Variants in ITGA8 observed in about 807,000 individuals in gnomAD.
ITGA8 encodes integrin alpha-8.
ITGA8 carries 91 observed loss-of-function variants against 142.3 expected under a neutral mutation model. The observed-to-expected ratio is 0.64, with a 90% confidence interval of 0.54 to 0.76. The LOEUF (loss-of-function observed/expected upper bound fraction) is 0.76, where lower values mean the gene tolerates loss of function less well. Among genes scored for constraint, ITGA8 ranks in the 30% least tolerant of loss-of-function variants. ITGA8 has a pLI of 0.00. For missense variants in ITGA8, 1,406 were observed against 1,327.7 expected, an observed-to-expected ratio of 1.06 and a Z score of -0.92; for synonymous variants, 505 against 485.2, an observed-to-expected ratio of 1.04 and a Z score of -0.54.
intron 2 of ITGA8, among the ~76,000 whole-genome samples, chr10:15,714,225 G>A (rs762573277): frequency 6.6e-5 from 10 of 152,130 alleles, no homozygotes; most frequent in Non-Finnish European, 1.0e-4. Flanking sequence ...TGTCTCATTC[G>A]TTCTCCCTTT....
chr10:15,632,818 G>A (rs1298865724), intron 13 of ITGA8, among the ~76,000 whole-genome samples: 2 of 151,742 alleles, frequency 1.3e-5, no homozygotes, highest in African/African-American at 4.8e-5. Flanking sequence ...ACGATATATA[G>A]ACAGTGGGAT....
At chr10:15,691,535 A>G (rs555300196) in intron 2 of ITGA8, among the ~76,000 whole-genome samples, 1 of 152,216 alleles carries the variant, frequency 6.6e-6, no homozygotes, top group Non-Finnish European at 1.5e-5. Context: ...ATTTGCTACA[A>G]CATGGATGAA....
At chr10:15,662,250 C>T (rs1834301952) in intron 8 of ITGA8, among the ~76,000 whole-genome samples, 2 of 138,952 alleles carry the variant, frequency 1.4e-5, no homozygotes, top group Non-Finnish European at 3.1e-5. Context: ...CACTCAACTA[C>T]AAAAAATATT....
chr10:15,544,736 G>T (rs182677777), intron 27 of ITGA8, among the ~76,000 whole-genome samples: 5 of 152,196 alleles, frequency 3.3e-5, no homozygotes, highest in Admixed American at 3.3e-4. Flanking sequence ...CTCGCCTACT[G>T]AATGAATATG....
intron 8 of ITGA8, among the ~76,000 whole-genome samples, chr10:15,670,763 C>T (rs10795317): frequency 0.93 from 140,910 of 152,224 alleles, 66,033 homozygotes; most frequent in Non-Finnish European, 1. Context: ...CTCCCCTGCA[C>T]GTTGAATAGA....
chr10:15,583,760 T>A (rs1834459670), intron 23 of ITGA8, among the ~76,000 whole-genome samples: 1 of 152,196 alleles, frequency 6.6e-6, no homozygotes, highest in Admixed American at 6.5e-5. Context: ...GTGATGGTAC[T>A]GTTCTATATT....
chr10:15,660,937 A>G lies in ITGA8; in HGVS notation c.848-15T>C. On this transcript the variant is annotated splice_polypyrimidine_tract_variant and intron_variant, in intron 8 of 29. Coordinates refer to ENST00000378076, the MANE Select transcript of ITGA8 (RefSeq NM_003638.3). ...AGCAACCAATTCTGGGGATGAAAAT[A>G]GCCATTTAGAAGGGGAATTACTCAC... 6.2e-7 allele frequency: 1 copy of G among 1,612,008 alleles called. No individual in the cohort carries two copies. The highest frequency in any genetic ancestry group is 8.5e-7 in the Non-Finnish European group (1 of 1,178,282).
chr10:15,611,233 A>G (rs1833288000), intron 15 of ITGA8, among the ~76,000 whole-genome samples: 1 of 152,200 alleles, frequency 6.6e-6, no homozygotes, highest in Non-Finnish European at 1.5e-5. Flanking sequence ...CACATTCTAG[A>G]CTGAACCAGC....
rs528569960 is a variant in ITGA8, at chr10:15,600,251, TA to T, written c.2119-2953del. Among the ~76,000 whole-genome samples, 967 of 149,172 alleles carry T rather than the reference TA, an allele frequency of 6.5e-3. 7 individuals are homozygous for T. Among genetic ancestry groups the T allele is most frequent in the African/African-American group, 0.022 (897 of 40,790 alleles). On this transcript the variant is annotated intron_variant, in intron 20 of 29. Transcript: ENST00000378076. ...CATTAGGTATATCTCCTAATGCTAT[TA>T]AAAAAAAAAGAATGAAATACATTCA...
chr10:15,624,673 G>A (rs1833549949), intron 13 of ITGA8, among the ~76,000 whole-genome samples: 1 of 152,066 alleles, frequency 6.6e-6, no homozygotes, highest in African/African-American at 2.4e-5. Context: ...GCCCATCACT[G>A]CCCAGGTCCC....
At chr10:15,548,378 G>A in intron 27 of ITGA8, 77 bp downstream of exon 27, 2 of 1,005,114 alleles carry the variant, frequency 2.0e-6, no homozygotes, top group African/African-American at 1.7e-5. Context: ...AAATCGCTAT[G>A]AAAAGACTTC....
intron 26 of ITGA8, among the ~76,000 whole-genome samples, chr10:15,556,388 T>C (rs1833890174): frequency 6.6e-6 from 1 of 152,080 alleles, no homozygotes; most frequent in African/African-American, 2.4e-5. Context: ...ACTGTGGCCT[T>C]TGATTCAGTG....
rs1833024502 is a variant in ITGA8 at position 15,597,228 on chromosome 10, G to A, written c.2190C>T (p.Asn730=). 1.2e-6 allele frequency: 2 copies of A among 1,613,748 alleles called. No homozygotes were observed. The highest frequency in any genetic ancestry group is 4.5e-5 in the East Asian group (2 of 44,872). ...TTACATTTGTTCCAGACACCATAGG[G>A]TTCCCAAGGTCACACACCACCATCC... ...VTRMVVCDLG[N]PMVSGTNYSL... is the part of the protein sequence containing the mutation. The change falls in exon 21 of 30, where the codon AAC becomes AAT. Residue 730 remains asparagine, a synonymous_variant. Coordinates refer to ENST00000378076, the MANE Select transcript of ITGA8 (RefSeq NM_003638.3).
chr10:15,658,452 C>A (rs7097260), intron 10 of ITGA8, among the ~76,000 whole-genome samples: 35,639 of 151,984 alleles, frequency 0.23, 4,380 homozygotes, highest in Admixed American at 0.33. Flanking sequence ...AGCCCCTGTC[C>A]CCTCCGTCCT....
chr10:15,687,867 C>T lies in ITGA8; in HGVS notation c.444+71G>A, dbSNP rs1355223078. On this transcript the variant is annotated intron_variant, in intron 3 of 29. Coordinates refer to ENST00000378076, the MANE Select transcript of ITGA8 (RefSeq NM_003638.3). ...TCCTTTAGGAAAGAGCTTTCCTAAA[C>T]ATGAGCTTGAAAACATTCCAGTGCA... 1.4e-5 allele frequency: 13 copies of T among 916,136 alleles called. No individual in the cohort carries two copies. The Admixed American group carries it at 1.9e-4, about 14-fold the overall frequency. 56.8% of individuals were successfully genotyped at this position (916,136 alleles called of 1,614,324 possible).
intron 2 of ITGA8, among the ~76,000 whole-genome samples, chr10:15,688,280 C>T (rs530140327): frequency 3.7e-4 from 54 of 145,722 alleles, no homozygotes; most frequent in African/African-American, 1.3e-3. Context: ...CATGGTGAAA[C>T]CCTGTCTCTA....
chr10:15,689,387 A>G (rs1834891501), intron 2 of ITGA8, among the ~76,000 whole-genome samples: 1 of 152,132 alleles, frequency 6.6e-6, no homozygotes, highest in Non-Finnish European at 1.5e-5. Context: ...CCGCAGAGAG[A>G]AGTGATCCAC....
In ITGA8 at chr10:15,583,373, G is replaced by A. The variant is rs1225039917; in HGVS notation, c.2372+3211C>T. On this transcript the variant is annotated intron_variant, in intron 23 of 29. Transcript: ENST00000378076. ...ACAGCGGGGCCTACTGGGGGATGGG[G>A]GGCTAGGGAAGGGATAGCATTAGGA... 3.9e-5 allele frequency among the ~76,000 whole-genome samples: 6 copies of A among 152,100 alleles called. No homozygotes were observed. In the East Asian group the frequency reaches 1.2e-3, roughly 29 times the overall value.
In ITGA8 at chr10:15,515,074, A is replaced by T. The variant is rs1042713903; in HGVS notation, c.*2084T>A. ...TAGGACCCCAAATCCCAAGGAGCTA[A>T]TCTCTATTGGTCACAGATCAGCCAG... On this transcript the variant is annotated 3_prime_UTR_variant, in exon 30 of 30. Coordinates refer to ENST00000378076, the MANE Select transcript of ITGA8 (RefSeq NM_003638.3). 1 of 152,148 alleles carries T rather than the reference A, an allele frequency of 6.6e-6. No homozygotes were observed. The highest frequency in any genetic ancestry group is 1.5e-5 in the Non-Finnish European group (1 of 68,062). 9.4% of individuals were successfully genotyped at this position (152,148 alleles called of 1,614,324 possible). A position where few individuals can be genotyped will look rare whatever the true frequency, so the allele number is the denominator to read the frequency against.
Sources: allele counts gnomAD v4.1 joint callset (sites outside exome capture counted in the v4.1 genomes callset), GRCh38; gene constraint gnomAD v4.1.1; transcripts MANE v1.5; gene names NCBI Gene and HGNC (gene_info 2026-07-23, HGNC 2026-07-21).